THNSL1: variants seen among roughly 807,000 people sequenced by gnomAD.
The protein encoded by THNSL1 is threonine synthase-like 1.
THNSL1 carries 48 observed loss-of-function variants against 50.4 expected under a neutral mutation model. That is an observed-to-expected ratio of 0.95 (90% confidence interval 0.76 to 1.21). The LOEUF is 1.21. Among genes scored for constraint, THNSL1 ranks in the 50% most tolerant of loss-of-function variants. The pLI, the probability that THNSL1 is intolerant of heterozygous loss-of-function variation, is 0.00. For synonymous variants in THNSL1, 309 were observed against 306.1 expected (o/e 1.01, Z -0.10); for missense variants, 896 against 871.7 (o/e 1.03, Z -0.35).
the THNSL1 span, chr10:24,984,810 C>T: frequency 6.2e-7 from 1 of 1,613,654 alleles, no homozygotes; most frequent in Non-Finnish European, 8.5e-7. Context: ...TTTCTTCTTC[C>T]AGCCTCTGCT....
the THNSL1 span, among the ~76,000 whole-genome samples, chr10:25,010,037 T>C: frequency 6.6e-6 from 1 of 152,180 alleles, no homozygotes; most frequent in African/African-American, 2.4e-5. Context: ...AAAGCGACTT[T>C]GGAACTGGGT....
At chr10:24,987,915 G>T in the THNSL1 span, among the ~76,000 whole-genome samples, 1 of 151,880 alleles carries the variant, frequency 6.6e-6, no homozygotes, top group East Asian at 1.9e-4. Context: ...TGAACAAAGG[G>T]GCCCACAATG....
the THNSL1 span, chr10:24,995,538 C>A: frequency 2.0e-6 from 2 of 981,654 alleles, no homozygotes; most frequent in Non-Finnish European, 3.0e-6. Context: ...GCAAAGTAGA[C>A]AATGTGTCCA....
At chr10:25,013,405 T>C (rs1484519019), upstream of THNSL1, among the ~76,000 whole-genome samples, 1 of 152,214 alleles carries the variant, frequency 6.6e-6, no homozygotes, top group African/African-American at 2.4e-5. Flanking sequence ...AGCTACATAA[T>C]TAGAGGATGG....
the THNSL1 span, chr10:24,995,554 A>T: frequency 9.0e-7 from 1 of 1,112,418 alleles, no homozygotes; most frequent in East Asian, 2.4e-5. Flanking sequence ...GTCCAATGAG[A>T]GCACTAATAA....
the THNSL1 span, among the ~76,000 whole-genome samples, chr10:24,991,582 T>C: frequency 6.6e-6 from 1 of 151,848 alleles, no homozygotes; most frequent in Non-Finnish European, 1.5e-5. Flanking sequence ...TTGGCCGGGG[T>C]GGTGGGAGGA....
At chr10:24,991,160 C>T in the THNSL1 span, among the ~76,000 whole-genome samples, 1 of 152,022 alleles carries the variant, frequency 6.6e-6, no homozygotes, top group Non-Finnish European at 1.5e-5. Context: ...GAATGTTTCC[C>T]ACGCCTGCTC....
the THNSL1 span, among the ~76,000 whole-genome samples, chr10:25,001,358 T>C: frequency 6.6e-6 from 1 of 151,996 alleles, no homozygotes; most frequent in Non-Finnish European, 1.5e-5. Flanking sequence ...TTGATGGTAA[T>C]GTCTCTTGGT....
At chr10:25,004,450 G>A in the THNSL1 span, among the ~76,000 whole-genome samples, 3 of 151,868 alleles carry the variant, frequency 2.0e-5, no homozygotes, top group Admixed American at 6.6e-5. Context: ...TTGAATAATG[G>A]CCATTCTGAT....
the THNSL1 span, chr10:24,983,467 T>G: frequency 6.6e-6 from 1 of 152,354 alleles, no homozygotes; most frequent in East Asian, 1.9e-4. Context: ...TGGAGTGTAC[T>G]GTCACAGCTG....
At chr10:24,990,086 T>C in the THNSL1 span, among the ~76,000 whole-genome samples, 1 of 152,194 alleles carries the variant, frequency 6.6e-6, no homozygotes. Context: ...TAGAGCTCCA[T>C]CTAGTGAAAA....
chr10:25,020,080 A>G, intron 1 of THNSL1, among the ~76,000 whole-genome samples: 1 of 152,248 alleles, frequency 6.6e-6, no homozygotes. Context: ...ACAAAATAAA[A>G]TTTAGTATGT....
At chr10:24,958,212 G>A in the THNSL1 span, among the ~76,000 whole-genome samples, 278 of 152,190 alleles carry the variant, frequency 1.8e-3, 1 homozygote, top group Middle Eastern at 0.014. Context: ...AAACCTTTCA[G>A]TCTGGGAATT....
chr10:24,975,699 T>C, the THNSL1 span, among the ~76,000 whole-genome samples: 2 of 152,188 alleles, frequency 1.3e-5, no homozygotes, highest in Non-Finnish European at 2.9e-5. Context: ...CCACCATGAT[T>C]GTAAGTTTCC....
chr10:25,009,989 T>C, the THNSL1 span, among the ~76,000 whole-genome samples: 10 of 152,080 alleles, frequency 6.6e-5, no homozygotes, highest in African/African-American at 2.4e-4. Flanking sequence ...TTGGTACCAG[T>C]AGAGTGGGAT....
the THNSL1 span, among the ~76,000 whole-genome samples, chr10:24,970,830 C>G: frequency 6.6e-6 from 1 of 152,128 alleles, no homozygotes; most frequent in Non-Finnish European, 1.5e-5. Flanking sequence ...TTGAGACCAG[C>G]CTGGCCAACA....
Position 25,024,652 on chromosome 10 carries a change from C to T in THNSL1, c.1429C>T (p.Leu477Phe). The T allele has an allele frequency of 6.2e-7, 1 of 1,614,248 alleles. No homozygotes were observed. The highest frequency in any genetic ancestry group is 8.5e-7 in the Non-Finnish European group (1 of 1,180,048). The part of the protein sequence containing the change: ...SANSINWGRL[L>F]PQVVYHASAY... ...TAACTCCATAAACTGGGGCCGACTA[C>T]TTCCGCAGGTAGTTTATCATGCTTC... Residue 477 changes from leucine to phenylalanine, a missense_variant, in exon 3 of 3, where the codon CTT becomes TTT. Coordinates refer to ENST00000376356, the MANE Select transcript of THNSL1 (RefSeq NM_024838.5).
the THNSL1 span, among the ~76,000 whole-genome samples, chr10:24,973,306 C>T: frequency 6.6e-6 from 1 of 151,784 alleles, no homozygotes; most frequent in East Asian, 1.9e-4. Flanking sequence ...CTGACAGCCT[C>T]GTCGACTAAG....
At chr10:24,957,880 AATTCT>A in the THNSL1 span, among the ~76,000 whole-genome samples, 9 of 152,226 alleles carry the variant, frequency 5.9e-5, no homozygotes, top group African/African-American at 2.2e-4. Context: ...CTGCATTTTA[AATTCT>A]GTAATCATCC....
Sources: gnomAD v4.1 joint callset for allele counts (sites outside exome capture counted in the v4.1 genomes callset) on GRCh38, gnomAD v4.1.1 for gene constraint, MANE v1.5 for transcripts, NCBI Gene and HGNC (gene_info 2026-07-23, HGNC 2026-07-21) for gene names.